B3GAT2: variants seen among roughly 807,000 people sequenced by gnomAD.
The protein encoded by B3GAT2 is beta-1,3-glucuronyltransferase 2, also known as galactosylgalactosylxylosylprotein 3-beta-glucuronosyltransferase 2.
A neutral mutation model predicts 27.8 loss-of-function variants in B3GAT2; 26 were observed. The observed-to-expected ratio is 0.93, with a 90% CI of 0.68 to 1.30. B3GAT2 has a LOEUF of 1.30. Ranked by LOEUF, B3GAT2 falls within the 50% of genes most tolerant of loss-of-function variation. The pLI is 0.00. For synonymous variants in B3GAT2, 218 were observed against 195.1 expected (o/e 1.12, Z -0.98); for missense variants, 458 against 459.0 (o/e 1.00, Z 0.02).
At chr6:70,893,953 T>C (rs528352034) in intron 2 of B3GAT2, among the ~76,000 whole-genome samples, 175 bp downstream of exon 2, 26 of 152,330 alleles carry the variant, frequency 1.7e-4, no homozygotes, top group Non-Finnish European at 3.4e-4. Flanking sequence ...AATTTCCACT[T>C]GATCTAACCA....
At chr6:70,934,238 T>C (rs1657796369) in intron 1 of B3GAT2, among the ~76,000 whole-genome samples, 1 of 152,192 alleles carries the variant, frequency 6.6e-6, no homozygotes, top group Admixed American at 6.5e-5. Context: ...TGCAGATAAC[T>C]TTAAGTTAGG....
intron 1 of B3GAT2, among the ~76,000 whole-genome samples, chr6:70,932,441 T>C (rs1000851542): frequency 2.6e-5 from 4 of 152,202 alleles, no homozygotes; most frequent in Admixed American, 6.5e-5. Context: ...GGAATATACA[T>C]ATAATAGAAT....
Position 70,858,284 on chromosome 6 carries a change from A to AAT in B3GAT2, c.*3377_*3378dup. 2.1e-6 allele frequency: 2 copies of AAT among 967,414 alleles called. No homozygotes were observed. The highest frequency in any genetic ancestry group is 1.8e-5 in the African/African-American group (1 of 54,318). 59.9% of individuals were successfully genotyped at this position (967,414 alleles called of 1,614,324 possible). ...CAAATCAAACCAGATTTATTTTCTA[A>AAT]ATCTTTTTTTTTTTTTTTTTTTTTT... On this transcript the variant is annotated 3_prime_UTR_variant, in exon 4 of 4. Transcript: ENST00000230053.
chr6:70,900,409 CT>C (rs56143825), intron 1 of B3GAT2, among the ~76,000 whole-genome samples: 72,608 of 146,276 alleles, frequency 0.5, 18,161 homozygotes, highest in East Asian at 0.6. Context: ...ACAACCGGCT[CT>C]TTTTTTTTTT....
chr6:70,890,243 C>T (rs1772265123), intron 2 of B3GAT2, among the ~76,000 whole-genome samples: 1 of 152,116 alleles, frequency 6.6e-6, no homozygotes, highest in Admixed American at 6.6e-5. Context: ...CTTGCTGGGC[C>T]TTGTCTCTTT....
At position 70,861,395 on chromosome 6, in the gene B3GAT2, G is replaced by C; in HGVS notation, c.*268C>G. 1 of 420,624 alleles carries C rather than the reference G, an allele frequency of 2.4e-6. No individual in the cohort carries two copies. Among genetic ancestry groups the C allele is most frequent in the Non-Finnish European group, 4.3e-6 (1 of 231,614 alleles). The allele number at this position is 420,624 out of a possible 1,614,324, so 26.1% of individuals were successfully genotyped here. A position where few individuals can be genotyped will look rare whatever the true frequency, so the allele number is the denominator to read the frequency against. On this transcript the variant is annotated 3_prime_UTR_variant, in exon 4 of 4. Coordinates refer to ENST00000230053, the MANE Select transcript of B3GAT2 (RefSeq NM_080742.3). ...CTCAAGAGTGGTATCTTGCAGTATC[G>C]GCACTGTACAAAAAAATCTTCCAAT... is the stretch of plus-strand genomic sequence containing the variant.
chr6:70,861,801 A>C (rs1386272085), intron 3 of B3GAT2, 29 bp downstream of exon 3: 1 of 1,614,036 alleles, frequency 6.2e-7, no homozygotes. Flanking sequence ...GTGACACTCG[A>C]GGTCGGGCAG....
intron 2 of B3GAT2, among the ~76,000 whole-genome samples, chr6:70,870,960 GAA>G (rs1771925138): frequency 6.6e-6 from 1 of 152,038 alleles, no homozygotes; most frequent in African/African-American, 2.4e-5. Flanking sequence ...TATCATGAAA[GAA>G]TGCTGAATTT....
At chr6:70,943,311 G>A (rs1314994503) in intron 1 of B3GAT2, among the ~76,000 whole-genome samples, 2 of 152,216 alleles carry the variant, frequency 1.3e-5, no homozygotes, top group Non-Finnish European at 2.9e-5. Flanking sequence ...AGTGCTGCCT[G>A]CAGCAGCCAA....
Position 70,956,464 on chromosome 6 carries a change from G to A in B3GAT2, c.-35C>T. The A allele has an allele frequency of 6.5e-7, 1 of 1,549,694 alleles. No homozygotes were observed. Among genetic ancestry groups the A allele is most frequent in the African/African-American group, 1.4e-5 (1 of 73,134 alleles). ...TCCCTGGCCTCTCGGACACCCCAGA[G>A]AGGGGCGAGCCGAGGGACCCCAGTG... On this transcript the variant is annotated 5_prime_UTR_variant, in exon 1 of 4. Transcript: ENST00000230053.
At chr6:70,945,644 C>T (rs996058639) in intron 1 of B3GAT2, among the ~76,000 whole-genome samples, 1 of 149,410 alleles carries the variant, frequency 6.7e-6, no homozygotes, top group Non-Finnish European at 1.5e-5. Flanking sequence ...TTGGAAAACA[C>T]TCGGCACGAT....
At chr6:70,936,983 T>C (rs1765292206) in intron 1 of B3GAT2, among the ~76,000 whole-genome samples, 1 of 151,372 alleles carries the variant, frequency 6.6e-6, no homozygotes, top group Non-Finnish European at 1.5e-5. Context: ...TTTGAAAGGA[T>C]CAACAAAATT....
chr6:70,861,784 C>CT, intron 3 of B3GAT2, 35 bp from the exon 4 acceptor site: 2 of 1,614,034 alleles, frequency 1.2e-6, no homozygotes, highest in South Asian at 2.2e-5. Flanking sequence ...GTAGCGCACT[C>CT]TTCATGGTGA....
chr6:70,867,266 GAAA>G (rs1771865831), intron 2 of B3GAT2, among the ~76,000 whole-genome samples: 1 of 151,554 alleles, frequency 6.6e-6, no homozygotes, highest in Non-Finnish European at 1.5e-5. Flanking sequence ...TTATAAATTA[GAAA>G]AAGAAAGCAA....
intron 1 of B3GAT2, among the ~76,000 whole-genome samples, chr6:70,931,306 C>T (rs891646604): frequency 6.6e-6 from 1 of 151,792 alleles, no homozygotes; most frequent in African/African-American, 2.4e-5. Flanking sequence ...ACGTTGTGCA[C>T]ATGTACCCTA....
chr6:70,890,965 C>T (rs1390774295), intron 2 of B3GAT2, among the ~76,000 whole-genome samples: 1 of 152,242 alleles, frequency 6.6e-6, no homozygotes, highest in East Asian at 1.9e-4. Context: ...TTGAACAAAT[C>T]TACACCTCCT....
intron 1 of B3GAT2, among the ~76,000 whole-genome samples, chr6:70,922,466 T>G (rs1435281793): frequency 6.6e-6 from 1 of 152,050 alleles, no homozygotes; most frequent in African/African-American, 2.4e-5. Context: ...ATCAATAAAT[T>G]TCAATTGAGT....
chr6:70,877,620 G>A (rs1433238379), intron 2 of B3GAT2, among the ~76,000 whole-genome samples: 1 of 152,136 alleles, frequency 6.6e-6, no homozygotes, highest in East Asian at 1.9e-4. Flanking sequence ...CATTGGCTTT[G>A]AACCTTGGTG....
Position 70,917,841 on chromosome 6 carries a change from T to A in B3GAT2, c.592-23569A>T, listed in dbSNP as rs1004419132. Among the ~76,000 whole-genome samples, 9 of 152,162 alleles carry A rather than the reference T, an allele frequency of 5.9e-5. 1 individual carries two copies. Among genetic ancestry groups the A allele is most frequent in the Admixed American group, 1.3e-4 (2 of 15,280 alleles). On this transcript the variant is annotated intron_variant, in intron 1 of 3. Transcript: ENST00000230053. ...ATTATGTGGTCAATTTTAGAATAAG[T>A]GTGATGTGGGGCTGAGGAGAATGTA...
Sources: allele counts gnomAD v4.1 joint callset (sites outside exome capture counted in the v4.1 genomes callset), GRCh38; gene constraint gnomAD v4.1.1; transcripts MANE v1.5; gene names NCBI Gene and HGNC (gene_info 2026-07-23, HGNC 2026-07-21).